Variants in PTPN2 observed in about 807,000 individuals in gnomAD.
PTPN2 encodes protein tyrosine phosphatase non-receptor type 2, also known as tyrosine-protein phosphatase non-receptor type 2.
PTPN2 carries 19 observed loss-of-function variants against 57.3 expected under a neutral mutation model. That is an observed-to-expected ratio of 0.33 (90% CI 0.23 to 0.49). The LOEUF (loss-of-function observed/expected upper bound fraction) is 0.49. PTPN2 is among the 20% of genes least tolerant of loss of function. The pLI, the probability that PTPN2 is intolerant of heterozygous loss-of-function variation, is 0.99. For missense variants in PTPN2, 358 were observed against 501.1 expected (o/e 0.71, Z 2.73); for synonymous variants, 153 against 164.9 (o/e 0.93, Z 0.55).
rs1209618669 is a variant in PTPN2 at position 12,874,535 on chromosome 18, G to GT, written c.69+9537_69+9538insA. On this transcript the variant is annotated intron_variant, in intron 1 of 8. Transcript: ENST00000309660. ...AGCCGCCCCGTCCGGGAGGAAGGTGGGGGGGGGTCAGCTCCCCGCCCGGCC... is the reference window on the plus strand; with the variant it reads ...AGCCGCCCCGTCCGGGAGGAAGGTGGTGGGGGGGTCAGCTCCCCGCCCGGCC... 8.6e-4 allele frequency among the ~76,000 whole-genome samples: 98 copies of GT among 113,670 alleles called. 6 individuals are homozygous for GT. The highest frequency in any genetic ancestry group is 5.8e-4 in the Non-Finnish European group (33 of 57,030). The allele number at this position is 113,670 out of a possible 152,430, so 74.6% of individuals were successfully genotyped here.
In PTPN2 at chr18:12,814,349, T is replaced by C. The variant is rs778472790; in HGVS notation, c.712A>G (p.Lys238Glu). 19 of 1,584,180 alleles carry C rather than the reference T, an allele frequency of 1.2e-5. No individual in the cohort carries two copies. The Admixed American group carries it at 3.5e-4, about 29-fold the overall frequency. Residue 238 changes from lysine to glutamate, a missense_variant, in exon 7 of 9, where the codon AAA (lysine) becomes GAA (glutamate). Coordinates refer to ENST00000309660, the MANE Select transcript of PTPN2 (RefSeq NM_002828.4). Reference sequence around the variant, plus strand: ...TGTTTTATGTTAATATCATCTCCTTTTTCCATCTGCAAGAAAGGCAAAAAA... The same window carrying C: ...TGTTTTATGTTAATATCATCTCCTTCTTCCATCTGCAAGAAAGGCAAAAAA... ...LVDTCLVLME[K>E]GDDINIKQVL...
Position 12,794,336 on chromosome 18 carries a change from A to C in PTPN2, c.1190T>G (p.Val397Gly). The C allele has an allele frequency of 6.2e-7, 1 of 1,614,236 alleles. No individual in the cohort carries two copies. The highest frequency in any genetic ancestry group is 8.5e-7 in the Non-Finnish European group (1 of 1,180,026). The change falls in exon 9 of 9, where the codon GTC becomes GGC. Residue 397 changes from valine to glycine, a missense_variant. Transcript: ENST00000309660. Reference protein sequence around the residue: ...PILTKMGFMSVILVGAFVGWT... With the variant: ...PILTKMGFMSGILVGAFVGWT... The stretch of plus-strand genomic sequence containing the variant: ...GCCAACAAAAGCGCCAACCAAAATG[A>C]CTGACATAAACCCCATCTTAGTGAG...
At chr18:12,866,642 A>G (rs1330218695) in intron 1 of PTPN2, among the ~76,000 whole-genome samples, 1 of 152,120 alleles carries the variant, frequency 6.6e-6, no homozygotes, top group East Asian at 1.9e-4. Flanking sequence ...TCTGAAATTA[A>G]GATTTAGTTC....
chr18:12,805,841 G>C (rs147815131), intron 7 of PTPN2, among the ~76,000 whole-genome samples: 3,494 of 152,004 alleles, frequency 0.023, 51 homozygotes, highest in South Asian at 0.04. Flanking sequence ...TGTTGGCCAG[G>C]GTGGTCTCAA....
chr18:12,852,191 AACACACACACACACAC>A (rs139964591), intron 2 of PTPN2, among the ~76,000 whole-genome samples: 7 of 140,512 alleles, frequency 5.0e-5, no homozygotes, highest in Non-Finnish European at 7.7e-5. Context: ...ATGGGTTTTT[AACACACACACACACAC>A]ACACACACAC....
At position 12,825,928 on chromosome 18, in the gene PTPN2, T is replaced by C. The variant is rs1354030120; in HGVS notation, c.377A>G (p.Tyr126Cys). The change falls in exon 5 of 9, where the codon TAC becomes TGC. Residue 126 changes from tyrosine (Y) to cysteine (C), a missense_variant. This residue lies in a region of PTPN2 where 193 missense variants were observed against 315.4 expected (regional missense o/e 0.61). Transcript: ENST00000309660. ...CATCTCTTGGTCATCTGTTGGCCAG[T>C]ACTGTGCACATTTAACCTAAATTTA... ...VEKESVKCAQ[Y>C]WPTDDQEMLF... 1.2e-6 allele frequency: 2 copies of C among 1,604,468 alleles called. No individual in the cohort carries two copies. Among genetic ancestry groups the C allele is most frequent in the Non-Finnish European group, 1.7e-6 (2 of 1,175,050 alleles).
intron 2 of PTPN2, among the ~76,000 whole-genome samples, chr18:12,847,428 T>G (rs952726702): frequency 6.6e-6 from 1 of 152,154 alleles, no homozygotes; most frequent in Non-Finnish European, 1.5e-5. Flanking sequence ...ATGTAAAAGT[T>G]CAGGTATCTA....
chr18:12,835,168 T>G (rs1159560842), intron 3 of PTPN2, among the ~76,000 whole-genome samples: 6 of 152,140 alleles, frequency 3.9e-5, no homozygotes, highest in Admixed American at 3.9e-4. Flanking sequence ...AATAAAATTT[T>G]TAACTCTAAA....
chr18:12,796,085 A>C (rs2041170084), intron 8 of PTPN2, among the ~76,000 whole-genome samples: 1 of 152,208 alleles, frequency 6.6e-6, no homozygotes, highest in Non-Finnish European at 1.5e-5. Context: ...TGATTAAAGA[A>C]ATGCATTGTA....
At chr18:12,837,145 A>G (rs2042894237) in intron 2 of PTPN2, among the ~76,000 whole-genome samples, 1 of 152,188 alleles carries the variant, frequency 6.6e-6, no homozygotes, top group South Asian at 2.1e-4. Flanking sequence ...TGACTTGAAA[A>G]ATCGACCAGG....
At chr18:12,824,238 G>A (rs2042369731) in intron 5 of PTPN2, among the ~76,000 whole-genome samples, 1 of 152,176 alleles carries the variant, frequency 6.6e-6, no homozygotes, top group Non-Finnish European at 1.5e-5. Context: ...ATTATCATTC[G>A]TAATTTTGAG....
chr18:12,857,309 C>A (rs184583388), intron 2 of PTPN2, among the ~76,000 whole-genome samples: 1 of 152,056 alleles, frequency 6.6e-6, no homozygotes, highest in Non-Finnish European at 1.5e-5. Context: ...GGAATCTACA[C>A]GTGATAAAAC....
chr18:12,863,210 GCT>G (rs1256605387), intron 1 of PTPN2: 2 of 152,128 alleles, frequency 1.3e-5, no homozygotes, highest in Non-Finnish European at 2.9e-5. Context: ...CAATCCTGGT[GCT>G]TTGGGAGGCC....
chr18:12,844,396 C>T (rs1033054390), intron 2 of PTPN2, among the ~76,000 whole-genome samples: 1 of 152,202 alleles, frequency 6.6e-6, no homozygotes, highest in South Asian at 2.1e-4. Flanking sequence ...GTTTACATTC[C>T]CACCACCCAT....
At chr18:12,875,116 C>G (rs1399512061) in intron 1 of PTPN2, among the ~76,000 whole-genome samples, 5 of 152,016 alleles carry the variant, frequency 3.3e-5, no homozygotes, top group Non-Finnish European at 7.4e-5. Context: ...GCAGCATGCT[C>G]GTTAACAGTC....
chr18:12,785,533 T>C (rs2040826815), exon 10 of PTPN2: 1 of 471,904 alleles, frequency 2.1e-6, no homozygotes, highest in East Asian at 4.0e-5. Context: ...ACAGTAGGAA[T>C]GGCAGTACAA....
chr18:12,863,021 T>C (rs2043867836), intron 1 of PTPN2, among the ~76,000 whole-genome samples: 1 of 152,062 alleles, frequency 6.6e-6, no homozygotes, highest in Non-Finnish European at 1.5e-5. Context: ...ATAAGCACAT[T>C]GCATAAGCAA....
At chr18:12,812,221 T>A (rs1428159090) in intron 7 of PTPN2, among the ~76,000 whole-genome samples, 1 of 152,236 alleles carries the variant, frequency 6.6e-6, no homozygotes, top group Admixed American at 6.5e-5. Flanking sequence ...CCTATATGTC[T>A]ATAGGAATGT....
At chr18:12,815,251 A>C (rs1481961177) in intron 6 of PTPN2, among the ~76,000 whole-genome samples, 1 of 151,698 alleles carries the variant, frequency 6.6e-6, no homozygotes, top group Non-Finnish European at 1.5e-5. Context: ...GTCTCTACTA[A>C]AAATACAAAA....
Sources: allele counts gnomAD v4.1 joint callset (sites outside exome capture counted in the v4.1 genomes callset), GRCh38; gene constraint gnomAD v4.1.1; regional missense constraint gnomAD v4.1.1; transcripts MANE v1.5; gene names NCBI Gene and HGNC (gene_info 2026-07-23, HGNC 2026-07-21).